The following NOD1 variants were observed in gnomAD, a reference collection of about 807,000 sequenced individuals.
NOD1 encodes nucleotide binding oligomerization domain containing 1, also known as nucleotide-binding oligomerization domain-containing protein 1.
A neutral mutation model predicts 81.2 loss-of-function variants in NOD1; 70 were observed. The observed-to-expected ratio is 0.86, with a 90% CI of 0.71 to 1.05. The LOEUF (loss-of-function observed/expected upper bound fraction) is 1.05. NOD1 is among the 50% of genes least tolerant of loss of function. NOD1 has a pLI of 0.00. For missense variants in NOD1, 1,233 were observed against 1,228.0 expected (o/e 1.00, Z -0.06); for synonymous variants, 508 against 526.9 (o/e 0.96, Z 0.49).
At position 30,425,344 on chromosome 7, in the gene NOD1, C is replaced by G. The variant is rs1439606452; in HGVS notation, c.*294G>C. The stretch of plus-strand genomic sequence containing the variant: ...TCTGTTTGCTCACAGCTTTATTCCT[C>G]TAGCTTCAGATAAAAATAATTATAA... On this transcript the variant is annotated 3_prime_UTR_variant, in exon 14 of 14. Transcript: ENST00000222823. The G allele has an allele frequency of 2.2e-5, 8 of 357,294 alleles. No homozygotes were observed. Among genetic ancestry groups the G allele is most frequent in the Non-Finnish European group, 4.1e-5 (8 of 194,088 alleles). 22.1% of individuals were successfully genotyped at this position (357,294 alleles called of 1,614,324 possible). A position where few individuals can be genotyped will look rare whatever the true frequency, so the allele number is the denominator to read the frequency against.
intron 12 of NOD1, among the ~76,000 whole-genome samples, chr7:30,431,304 A>T (rs887346353): frequency 1.3e-5 from 2 of 152,404 alleles, no homozygotes; most frequent in East Asian, 3.9e-4. Flanking sequence ...GAAATTGACA[A>T]GGTGAGTCTG....
At chr7:30,449,014 T>C (rs1272939908) in intron 6 of NOD1, among the ~76,000 whole-genome samples, 1 of 152,236 alleles carries the variant, frequency 6.6e-6, no homozygotes, top group Non-Finnish European at 1.5e-5. Context: ...TTTTAGGCTC[T>C]GTGGGCCATG....
rs892184586 is a variant in NOD1, at chr7:30,452,230, A to G, written c.1187T>C (p.Ile396Thr). ...SLCSVPLFCW[I>T]IFRCFQHFRA... ...GAAGTGCTGGAAGCACCGGAAGATG[A>G]TCCAGCAGAAGAGGGGCACAGAGCA... Residue 396 changes from isoleucine (I) to threonine (T), a missense_variant, in exon 6 of 14, where the codon ATC becomes ACC. Coordinates refer to ENST00000222823, the MANE Select transcript of NOD1 (RefSeq NM_006092.4). 1.1e-5 allele frequency: 17 copies of G among 1,613,680 alleles called. No individual in the cohort carries two copies. The highest frequency in any genetic ancestry group is 1.4e-5 in the Non-Finnish European group (16 of 1,179,998).
intron 8 of NOD1, chr7:30,446,522 G>T (rs1327930990): frequency 4.5e-6 from 2 of 444,486 alleles, no homozygotes; most frequent in Non-Finnish European, 8.2e-6. Flanking sequence ...TCCCTCGGGA[G>T]ACCTGGGAGG....
rs577678995 is a variant in NOD1 at position 30,448,854 on chromosome 7, C to T, written c.2202-473G>A. ...GTGTCCTGCAAAATGCTGGACAGGT[C>T]TCACAAGAACTGTTATACCCAAAAT... On this transcript the variant is annotated intron_variant, in intron 6 of 13. Transcript: ENST00000222823. Among the ~76,000 whole-genome samples, 20 of 152,296 alleles carry T rather than the reference C, an allele frequency of 1.3e-4. No homozygotes were observed. In the South Asian group the frequency reaches 2.7e-3, roughly 21 times the overall value.
rs577939466 is a variant in NOD1 at position 30,467,890 on chromosome 7, C to T, written c.-351-7849G>A. Among the ~76,000 whole-genome samples the T allele has an allele frequency of 7.9e-5, 12 of 152,088 alleles. No individual in the cohort carries two copies. Among genetic ancestry groups the T allele is most frequent in the African/African-American group, 2.9e-4 (12 of 41,484 alleles). On this transcript the variant is annotated intron_variant, in intron 1 of 13. Transcript: ENST00000222823. The surrounding 1 kb of genome is among the most constrained non-coding windows in gnomAD (Gnocchi z 4.5). ...CTAATTTTTGTATTTTTAGTAGAGA[C>T]GGGGTTTCACCACGTTGGCCAGGCT...
At chr7:30,464,021 T>C (rs1290896389) in intron 1 of NOD1, 1 of 152,224 alleles carries the variant, frequency 6.6e-6, no homozygotes, top group Admixed American at 6.5e-5. Context: ...GCTAAGGCCC[T>C]CTTTGGAGCT....
In NOD1 at chr7:30,460,052, C is replaced by T. The variant is rs1312140560; in HGVS notation, c.-351-11G>A. The T allele has an allele frequency of 5.9e-6, 1 of 168,394 alleles. No individual in the cohort carries two copies. The highest frequency in any genetic ancestry group is 1.2e-5 in the Non-Finnish European group (1 of 82,472). The allele number at this position is 168,394 out of a possible 1,614,324, so 10.4% of individuals were successfully genotyped here. Reference sequence around the variant, plus strand: ...CTGACTTACAATCACCTAAATAAAGCAATATATTATATGACAGCCATCTGG... The same window carrying T: ...CTGACTTACAATCACCTAAATAAAGTAATATATTATATGACAGCCATCTGG... On this transcript the variant is annotated splice_polypyrimidine_tract_variant and intron_variant, in intron 1 of 13. Transcript: ENST00000222823.
At chr7:30,457,699 G>A (rs1304224637) in intron 3 of NOD1, among the ~76,000 whole-genome samples, 1 of 152,134 alleles carries the variant, frequency 6.6e-6, no homozygotes, top group Non-Finnish European at 1.5e-5. Flanking sequence ...TCCCCAAGCA[G>A]GGAACAGGCC....
chr7:30,452,350 T>A lies in NOD1; in HGVS notation c.1067A>T (p.His356Leu). 1 of 1,613,260 alleles carries A rather than the reference T, an allele frequency of 6.2e-7. No individual in the cohort carries two copies. Among genetic ancestry groups the A allele is most frequent in the Non-Finnish European group, 8.5e-7 (1 of 1,179,984 alleles). ...KVLLRGFSPS[H>L]LRAYARRMFP... Reference sequence around the variant, plus strand: ...CATCCTCCTGGCATAGGCGCGCAGGTGGCTGGGGGAGAAGCCCCGGAGAAG... The same window carrying A: ...CATCCTCCTGGCATAGGCGCGCAGGAGGCTGGGGGAGAAGCCCCGGAGAAG... Residue 356 changes from histidine to leucine, a missense_variant, in exon 6 of 14, where the codon CAC becomes CTC. Physicochemically the swap from His to Leu is moderately conservative, Grantham distance 99. Coordinates refer to ENST00000222823, the MANE Select transcript of NOD1 (RefSeq NM_006092.4).
Position 30,452,175 on chromosome 7 carries a change from CA to C in NOD1, c.1241del (p.Leu414ArgfsTer6). The C allele has an allele frequency of 6.2e-7, 1 of 1,614,004 alleles. No individual in the cohort carries two copies. The highest frequency in any genetic ancestry group is 8.5e-7 in the Non-Finnish European group (1 of 1,180,028). On this transcript the variant is annotated frameshift_variant, in exon 6 of 14. Coordinates refer to ENST00000222823, the MANE Select transcript of NOD1 (RefSeq NM_006092.4). LOFTEE classifies it high-confidence loss of function. Reference protein sequence around the residue: ...FRAAFEGSPQLPDCTMTLTDV... With the variant: ...FRAAFEGSPQXPDCTMTLTDV... ...CTGTCAGGGTCATCGTGCAGTCGGG[CA>C]GCTGTGGTGAGCCTTCAAAGGCAGC...
At chr7:30,429,135 C>T (rs902090043) in intron 13 of NOD1, among the ~76,000 whole-genome samples, 6 of 152,222 alleles carry the variant, frequency 3.9e-5, no homozygotes, top group Non-Finnish European at 8.8e-5. Flanking sequence ...GGCAGGAGAG[C>T]ACAGAATATG....
At chr7:30,433,407 C>T (rs2907748) in intron 11 of NOD1, 122,295 of 539,704 alleles carry the variant, frequency 0.23, 14,773 homozygotes, top group Admixed American at 0.29. Flanking sequence ...TTTCTTAGCC[C>T]AGCTACCTGT....
intron 8 of NOD1, 80 bp downstream of exon 8, chr7:30,446,887 A>T: frequency 8.6e-7 from 1 of 1,156,372 alleles, no homozygotes; most frequent in Non-Finnish European, 1.3e-6. Flanking sequence ...AAAGCTCTTT[A>T]CTGTGACATT....
rs189249798 is a variant in NOD1 at position 30,448,278 on chromosome 7, T to G, written c.2285+20A>C. 2.4e-4 allele frequency: 379 copies of G among 1,587,406 alleles called. 2 individuals carry two copies. The South Asian group carries it at 3.0e-3, about 13-fold the overall frequency. On this transcript the variant is annotated intron_variant, in intron 7 of 13. Coordinates refer to ENST00000222823, the MANE Select transcript of NOD1 (RefSeq NM_006092.4). ...TATTATTACTAGGTAGTTGGCCCAG[T>G]GTTCTGGAGAAAGACATACCCCAAA...
intron 9 of NOD1, among the ~76,000 whole-genome samples, chr7:30,439,163 A>G (rs987443866): frequency 5.9e-5 from 9 of 152,224 alleles, no homozygotes; most frequent in Admixed American, 2.0e-4. Flanking sequence ...CGTGGAAAAC[A>G]GTATGATGAT....
rs201927568 is a variant in NOD1, at chr7:30,451,358, C to T, written c.2059G>A (p.Ala687Thr). Residue 687 changes from alanine to threonine, a missense_variant, in exon 6 of 14, where the codon GCC becomes ACC. Transcript: ENST00000222823. This position sits in a 1 kb window ranked among gnomAD's most constrained non-coding sequence, Gnocchi z 4.2. Reference protein sequence around the residue: ...ANYLKLTYCNACSADCSALSF... With the variant: ...ANYLKLTYCNTCSADCSALSF... Reference sequence around the variant, plus strand: ...AGGGCGCTGCAGTCGGCCGAGCAGGCGTTGCAGTAGGTCAGCTTGAGGTAG... The same window carrying T: ...AGGGCGCTGCAGTCGGCCGAGCAGGTGTTGCAGTAGGTCAGCTTGAGGTAG... 1.5e-5 allele frequency: 25 copies of T among 1,614,182 alleles called. No homozygotes were observed. The East Asian group carries it at 2.7e-4, about 17-fold the overall frequency.
In NOD1 at chr7:30,452,220, C is replaced by A; in HGVS notation, c.1197G>T (p.Arg399=). The change falls in exon 6 of 14, where the codon CGG becomes CGT. Residue 399 remains arginine (R), a synonymous_variant. Coordinates refer to ENST00000222823, the MANE Select transcript of NOD1 (RefSeq NM_006092.4). ...AGGCAGCACGGAAGTGCTGGAAGCA[C>A]CGGAAGATGATCCAGCAGAAGAGGG... The part of the protein sequence containing the change: ...SVPLFCWIIF[R]CFQHFRAAFE... 2 of 1,613,864 alleles carry A rather than the reference C, an allele frequency of 1.2e-6. No homozygotes were observed. Among genetic ancestry groups the A allele is most frequent in the Non-Finnish European group, 1.7e-6 (2 of 1,180,024 alleles).
chr7:30,454,990 G>C, intron 5 of NOD1, 147 bp downstream of exon 5: 1 of 757,966 alleles, frequency 1.3e-6, no homozygotes, highest in South Asian at 1.8e-5. Context: ...GCACTTGGGA[G>C]ACAGGATTCA....
Sources: gnomAD v4.1 joint callset for allele counts (sites outside exome capture counted in the v4.1 genomes callset) on GRCh38, gnomAD v4.1.1 for gene constraint, Gnocchi (gnomAD v3.1) non-coding constraint, MANE v1.5 for transcripts, NCBI Gene and HGNC (gene_info 2026-07-23, HGNC 2026-07-21) for gene names.